Variants in SCN3A observed in about 807,000 individuals in gnomAD.
SCN3A encodes the protein sodium voltage-gated channel alpha subunit 3, also known as sodium channel protein type 3 subunit alpha.
SCN3A carries 60 observed loss-of-function variants against 187.6 expected under a neutral mutation model. The observed-to-expected ratio is 0.32, with a 90% CI of 0.26 to 0.40. SCN3A has a LOEUF of 0.40. SCN3A is among the 10% of genes least tolerant of loss of function. The pLI is 1.00. For synonymous variants in SCN3A, 788 were observed against 829.2 expected, an observed-to-expected ratio of 0.95 and a Z score of 0.85; for missense variants, 1,601 against 2,428.2, an observed-to-expected ratio of 0.66 and a Z score of 7.16.
At position 165,149,254 on chromosome 2, in the gene SCN3A, C is replaced by T. The variant is rs149387011; in HGVS notation, c.1381-2225G>A. 2.0e-3 allele frequency among the ~76,000 whole-genome samples: 305 copies of T among 151,836 alleles called. 10 individuals carry two copies. In the East Asian group the frequency reaches 0.052, roughly 26 times the overall value. ...GCAATGGCATGATCTCGGCTCACTG[C>T]AACCTCCACCCCCGGGTTCAAGTGA... is the stretch of plus-strand genomic sequence containing the variant. On this transcript the variant is annotated intron_variant, in intron 11 of 27. Transcript: ENST00000283254.
chr2:165,132,962 G>T (rs992311127), intron 15 of SCN3A, among the ~76,000 whole-genome samples: 1 of 152,156 alleles, frequency 6.6e-6, no homozygotes, highest in African/African-American at 2.4e-5. Context: ...CCATCAACAA[G>T]TGGGTGAAAG....
At chr2:165,099,208 A>C (rs1206793472) in intron 22 of SCN3A, among the ~76,000 whole-genome samples, 2 of 152,166 alleles carry the variant, frequency 1.3e-5, no homozygotes, top group Non-Finnish European at 2.9e-5. Flanking sequence ...ACTAAATTAA[A>C]TATCCACATG....
Position 165,140,657 on chromosome 2 carries a change from G to A in SCN3A, c.2013C>T (p.Pro671=), listed in dbSNP as rs1262719103. Residue 671 remains proline (P), a synonymous_variant, in exon 13 of 28, where the codon CCC becomes CCT. Coordinates refer to ENST00000283254, the MANE Select transcript of SCN3A (RefSeq NM_006922.4). The surrounding 1 kb of genome is among the most constrained non-coding windows in gnomAD (Gnocchi z 4.2). ...CTAGGTCATCTATTATCACCTCTGG[G>A]GGAAGTTGTCCAGTAGGTGACGTTA... is the stretch of plus-strand genomic sequence containing the variant. The part of the protein sequence containing the change: ...SALTSPTGQL[P]PEGTTTETEV... 6.2e-7 allele frequency: 1 copy of A among 1,613,420 alleles called. No individual in the cohort carries two copies. Among genetic ancestry groups the A allele is most frequent in the Non-Finnish European group, 8.5e-7 (1 of 1,179,652 alleles).
chr2:165,163,096 A>G (rs1413728321), intron 7 of SCN3A, among the ~76,000 whole-genome samples: 1 of 152,190 alleles, frequency 6.6e-6, no homozygotes, highest in Non-Finnish European at 1.5e-5. Context: ...ACATACAAAA[A>G]AACTTGGAGT....
At chr2:165,099,970 G>A (rs998473320) in intron 22 of SCN3A, among the ~76,000 whole-genome samples, 2 of 152,124 alleles carry the variant, frequency 1.3e-5, no homozygotes, top group African/African-American at 2.4e-5. Context: ...TCCCCACCAC[G>A]GATGAATGTC....
At chr2:165,184,796 T>C (rs1345612790) in intron 2 of SCN3A, among the ~76,000 whole-genome samples, 1 of 152,212 alleles carries the variant, frequency 6.6e-6, no homozygotes, top group Non-Finnish European at 1.5e-5. Flanking sequence ...AAACCTAGGC[T>C]AGCTTCTTCT....
chr2:165,143,554 C>T (rs1688144085), intron 12 of SCN3A, among the ~76,000 whole-genome samples: 1 of 152,142 alleles, frequency 6.6e-6, no homozygotes, highest in South Asian at 2.1e-4. Flanking sequence ...ACAGAAATAG[C>T]ATTCAGAGAA....
At position 165,155,807 on chromosome 2, in the gene SCN3A, TAG is replaced by T. The variant is rs753688627; in HGVS notation, c.1126_1127del (p.Leu376IlefsTer52). The T allele has an allele frequency of 6.2e-7, 1 of 1,614,064 alleles. No homozygotes were observed. The highest frequency in any genetic ancestry group is 8.5e-7 in the Non-Finnish European group (1 of 1,180,006). On this transcript the variant is annotated frameshift_variant, in exon 10 of 28. Coordinates refer to ENST00000283254, the MANE Select transcript of SCN3A (RefSeq NM_006922.4). LOFTEE classifies it high-confidence loss of function. ...AGTAGTCTTGAGTCATGAGTCGAAA[TAG>T]AGACAGGAAAGCCCAGCTAAAGGTG... ...FDTFSWAFLS[L>X]FRLMTQDYWE...
chr2:165,178,700 C>T (rs1559266941), intron 2 of SCN3A, among the ~76,000 whole-genome samples: 1 of 152,012 alleles, frequency 6.6e-6, no homozygotes, highest in Non-Finnish European at 1.5e-5. Flanking sequence ...TTGAACAGAA[C>T]TTCTGTTTTA....
chr2:165,091,459 T>A (rs1685102989), intron 27 of SCN3A, 114 bp from the exon 28 acceptor site: 2 of 1,270,514 alleles, frequency 1.6e-6, no homozygotes, highest in Admixed American at 1.9e-5. Flanking sequence ...GAGCCTTTAT[T>A]AAATATTTGG....
intron 2 of SCN3A, among the ~76,000 whole-genome samples, chr2:165,181,305 G>A (rs549936568): frequency 2.6e-5 from 4 of 152,034 alleles, no homozygotes; most frequent in Admixed American, 1.3e-4. Context: ...CTCTACAAAT[G>A]GTAGTTTATT....
rs541361445 is a variant in SCN3A at position 165,116,324 on chromosome 2, G to A, written c.3394-749C>T. Among the ~76,000 whole-genome samples, 15 of 152,106 alleles carry A rather than the reference G, an allele frequency of 9.9e-5. No homozygotes were observed. In the South Asian group the frequency reaches 2.5e-3, roughly 25 times the overall value. Reference sequence around the variant, plus strand: ...ACATTCTGAATTCAATGTGTGATCCGGCTGTGAATACTTCCTTTAACTAAA... The same window carrying A: ...ACATTCTGAATTCAATGTGTGATCCAGCTGTGAATACTTCCTTTAACTAAA... On this transcript the variant is annotated intron_variant, in intron 18 of 27. Coordinates refer to ENST00000283254, the MANE Select transcript of SCN3A (RefSeq NM_006922.4).
At position 165,112,779 on chromosome 2, in the gene SCN3A, G is replaced by T. The variant is rs901587573; in HGVS notation, c.3843+106C>A. The T allele has an allele frequency of 1.0e-5, 10 of 986,894 alleles. No homozygotes were observed. In the African/African-American group the frequency reaches 1.6e-4, roughly 16 times the overall value. 61.1% of individuals were successfully genotyped at this position (986,894 alleles called of 1,614,324 possible). A position where few individuals can be genotyped will look rare whatever the true frequency, so the allele number is the denominator to read the frequency against. On this transcript the variant is annotated intron_variant, in intron 21 of 27. Coordinates refer to ENST00000283254, the MANE Select transcript of SCN3A (RefSeq NM_006922.4). Reference sequence around the variant, plus strand: ...ATGTTACAGTTTTGTTTAAATAACTGCATAATTATGTCATTATTAGTGAAA... The same window carrying T: ...ATGTTACAGTTTTGTTTAAATAACTTCATAATTATGTCATTATTAGTGAAA...
chr2:165,162,168 A>G (rs1689438054), intron 9 of SCN3A, 140 bp downstream of exon 9: 1 of 753,692 alleles, frequency 1.3e-6, no homozygotes, highest in Non-Finnish European at 2.2e-6. Flanking sequence ...TAAGGCAGAC[A>G]AGGCACTTCC....
intron 10 of SCN3A, 82 bp from the exon 11 acceptor site, chr2:165,154,740 C>T (rs758978150): frequency 1.3e-5 from 18 of 1,347,898 alleles, no homozygotes. Context: ...GTTAGATAGT[C>T]AGTAGACTAA....
At chr2:165,120,849 C>T (rs1686636911) in intron 18 of SCN3A, among the ~76,000 whole-genome samples, 1 of 149,964 alleles carries the variant, frequency 6.7e-6, no homozygotes, top group Middle Eastern at 3.4e-3. Context: ...AAAATATGAA[C>T]CACCACCATC....
At chr2:165,122,408 C>G (rs934974914) in intron 18 of SCN3A, among the ~76,000 whole-genome samples, 1 of 151,762 alleles carries the variant, frequency 6.6e-6, no homozygotes, top group African/African-American at 2.4e-5. Flanking sequence ...TTTGGTAATA[C>G]AATTTACTTA....
intron 18 of SCN3A, chr2:165,119,829 G>T (rs1411150130): frequency 6.6e-6 from 1 of 152,058 alleles, no homozygotes; most frequent in African/African-American, 2.4e-5. Context: ...ACCATATTAA[G>T]AAACTAGATG....
chr2:165,132,114 C>T (rs953533762), intron 15 of SCN3A, among the ~76,000 whole-genome samples: 1 of 152,066 alleles, frequency 6.6e-6, no homozygotes, highest in African/African-American at 2.4e-5. Flanking sequence ...CAAACCACTG[C>T]TCAATGAAAT....
Sources: gnomAD v4.1 joint callset for allele counts (sites outside exome capture counted in the v4.1 genomes callset) on GRCh38, gnomAD v4.1.1 for gene constraint, Gnocchi (gnomAD v3.1) non-coding constraint, MANE v1.5 for transcripts, NCBI Gene and HGNC (gene_info 2026-07-23, HGNC 2026-07-21) for gene names.